The following GRID1 variants were observed in gnomAD, a reference collection of about 807,000 sequenced individuals.
GRID1 encodes glutamate receptor ionotropic, delta-1.
In GRID1, 28 loss-of-function variants were observed where a neutral mutation model predicts 98.0. The observed-to-expected ratio is 0.29, with a 90% CI of 0.21 to 0.39. GRID1 has a LOEUF of 0.39. Ranked by LOEUF, GRID1 falls within the 10% of genes least tolerant of loss-of-function variation. The pLI is 1.00. For synonymous variants in GRID1, 553 were observed against 538.5 expected (o/e 1.03, Z -0.37); for missense variants, 1,111 against 1,340.5 (o/e 0.83, Z 2.67).
chr10:85,687,712 G>A (rs1376141013), intron 12 of GRID1, among the ~76,000 whole-genome samples: 1 of 152,164 alleles, frequency 6.6e-6, no homozygotes, highest in African/African-American at 2.4e-5. Context: ...GGCAGAAACA[G>A]AGAGTATGAG....
chr10:85,955,480 C>T (rs1278475847), intron 4 of GRID1, among the ~76,000 whole-genome samples: 4 of 152,074 alleles, frequency 2.6e-5, no homozygotes, highest in Admixed American at 1.3e-4. Flanking sequence ...GGTCCCCTAC[C>T]TAGGAGGGTC....
chr10:85,892,260 T>C (rs555109363), intron 5 of GRID1, among the ~76,000 whole-genome samples: 54 of 142,372 alleles, frequency 3.8e-4, no homozygotes, highest in Non-Finnish European at 7.2e-4. Flanking sequence ...TTAGTGAGAA[T>C]AGAATAATTT....
At chr10:86,115,304 T>G (rs1342689522) in intron 4 of GRID1, among the ~76,000 whole-genome samples, 2 of 152,130 alleles carry the variant, frequency 1.3e-5, no homozygotes, top group African/African-American at 2.4e-5. Flanking sequence ...CACTGCTGCA[T>G]GAGGCACAAC....
At chr10:85,938,661 T>C (rs186865613) in intron 4 of GRID1, among the ~76,000 whole-genome samples, 31 of 152,140 alleles carry the variant, frequency 2.0e-4, no homozygotes, top group Admixed American at 1.9e-3. Context: ...TACAAAAGGC[T>C]CTCCAGTTCT....
intron 4 of GRID1, among the ~76,000 whole-genome samples, chr10:85,974,624 TCC>T (rs994392777): frequency 6.6e-6 from 1 of 152,166 alleles, no homozygotes; most frequent in Non-Finnish European, 1.5e-5. Context: ...CTAAATATGC[TCC>T]CCTATATTAC....
At chr10:85,727,464 A>G (rs955048454) in intron 10 of GRID1, among the ~76,000 whole-genome samples, 6 of 152,298 alleles carry the variant, frequency 3.9e-5, no homozygotes, top group Non-Finnish European at 8.8e-5. Flanking sequence ...ATACACACAT[A>G]TGTATGAATA....
chr10:85,620,081 G>A (rs755846512), intron 13 of GRID1, 48 bp from the exon 14 acceptor site: 4 of 1,533,638 alleles, frequency 2.6e-6, no homozygotes, highest in Non-Finnish European at 9.0e-7. Context: ...GGCCAGCTGT[G>A]TCAGCTTTGA....
chr10:85,724,279 T>C (rs1590205376), intron 11 of GRID1, 73 bp downstream of exon 11: 1 of 1,199,270 alleles, frequency 8.3e-7, no homozygotes, highest in Non-Finnish European at 1.2e-6. Flanking sequence ...AAAATGCACC[T>C]GAGAACTTTG....
intron 4 of GRID1, among the ~76,000 whole-genome samples, chr10:86,132,620 T>C (rs1316027997): frequency 4.6e-5 from 7 of 152,240 alleles, no homozygotes; most frequent in Admixed American, 4.6e-4. Context: ...AGTGATAAAG[T>C]CGTCTGCTAA....
intron 14 of GRID1, among the ~76,000 whole-genome samples, 187 bp downstream of exon 14, chr10:85,619,680 C>T (rs1842835145): frequency 6.6e-6 from 1 of 152,188 alleles, no homozygotes; most frequent in Non-Finnish European, 1.5e-5. Flanking sequence ...GCCTTCCTGG[C>T]AGGGACCATA....
chr10:86,364,035 G>A lies in GRID1; in HGVS notation c.141C>T (p.Asp47=), dbSNP rs1848640947. 6.2e-6 allele frequency: 10 copies of A among 1,613,862 alleles called. No homozygotes were observed. The highest frequency in any genetic ancestry group is 8.5e-6 in the Non-Finnish European group (10 of 1,179,716). The change falls in exon 2 of 16, where the codon GAC becomes GAT. Residue 47 remains aspartate (D), a synonymous_variant. Coordinates refer to ENST00000327946, the MANE Select transcript of GRID1 (RefSeq NM_017551.3). ...DDRVFQLAVS[D]LSLNDDILQS... is the part of the protein sequence containing the mutation. ...GCAGGATGTCATCGTTGAGGCTCAG[G>A]TCGGATACCGCCAACTGGAACACCC...
At chr10:86,211,144 T>A (rs1005699354) in intron 2 of GRID1, among the ~76,000 whole-genome samples, 1 of 152,246 alleles carries the variant, frequency 6.6e-6, no homozygotes, top group African/African-American at 2.4e-5. Context: ...AAGGTCTTTA[T>A]ATGTGGACAG....
intron 15 of GRID1, among the ~76,000 whole-genome samples, chr10:85,608,695 G>C (rs1842699886): frequency 6.6e-6 from 1 of 152,194 alleles, no homozygotes; most frequent in Non-Finnish European, 1.5e-5. Context: ...AGCAGAGACA[G>C]GCAGGTAAAC....
chr10:86,208,255 C>G (rs1298390806), intron 2 of GRID1, among the ~76,000 whole-genome samples: 1 of 152,142 alleles, frequency 6.6e-6, no homozygotes. Flanking sequence ...CTACGGTTCT[C>G]TCCTCTTCAA....
intron 8 of GRID1, among the ~76,000 whole-genome samples, chr10:85,798,679 A>G (rs1182016321): frequency 1.3e-5 from 2 of 151,822 alleles, no homozygotes; most frequent in Non-Finnish European, 2.9e-5. Flanking sequence ...TCATATTAAG[A>G]TCTCTTGTTC....
chr10:85,634,291 T>TCTCTCTCTCTCTCTCTCTCTCTCA (rs1162030685), intron 13 of GRID1, among the ~76,000 whole-genome samples: 76 of 102,964 alleles, frequency 7.4e-4, no homozygotes, highest in Non-Finnish European at 1.2e-3. Context: ...TCTCTCTCTC[T>TCTCTCTCTCTCTCTCTCTCTCTCA]CACACACACA....
intron 8 of GRID1, among the ~76,000 whole-genome samples, chr10:85,754,181 G>T (rs1055608483): frequency 6.6e-6 from 1 of 152,148 alleles, no homozygotes; most frequent in African/African-American, 2.4e-5. Flanking sequence ...TCAACAGATG[G>T]GGGGAGGGGA....
chr10:86,120,469 T>C (rs1040556027), intron 4 of GRID1, among the ~76,000 whole-genome samples: 4 of 152,250 alleles, frequency 2.6e-5, no homozygotes, highest in African/African-American at 7.2e-5. Flanking sequence ...GACAGACAAG[T>C]GCTCTCACCT....
At chr10:85,995,961 C>T (rs1355907861) in intron 4 of GRID1, among the ~76,000 whole-genome samples, 2 of 152,190 alleles carry the variant, frequency 1.3e-5, no homozygotes, top group African/African-American at 2.4e-5. Flanking sequence ...GACAGATTAC[C>T]ATTAGGTTCC....
Sources: gnomAD v4.1 joint callset for allele counts (sites outside exome capture counted in the v4.1 genomes callset) on GRCh38, gnomAD v4.1.1 for gene constraint, MANE v1.5 for transcripts, NCBI Gene and HGNC (gene_info 2026-07-23, HGNC 2026-07-21) for gene names.